SYT1: variants seen among roughly 807,000 people sequenced by gnomAD.
SYT1 encodes synaptotagmin 1, also known as synaptotagmin-1.
A neutral mutation model predicts 44.8 loss-of-function variants in SYT1; 8 were observed. That is an observed-to-expected ratio of 0.18 (90% confidence interval 0.10 to 0.32). SYT1 has a LOEUF of 0.32. SYT1 is among the 10% of genes least tolerant of loss of function. The probability of loss-of-function intolerance (pLI) is 1.00; values close to 1 mark genes in which losing one functional copy is unlikely to be tolerated. For missense variants in SYT1, 286 were observed against 509.3 expected, an observed-to-expected ratio of 0.56 and a Z score of 4.22; for synonymous variants, 154 against 188.8, an observed-to-expected ratio of 0.82 and a Z score of 1.51.
intron 8 of SYT1, among the ~76,000 whole-genome samples, chr12:79,308,506 G>A (rs1024915964): frequency 1.0e-4 from 14 of 139,106 alleles, no homozygotes; most frequent in East Asian, 6.4e-4. Context: ...GCGAAACTCC[G>A]TCAAAAGAAA....
intron 9 of SYT1, among the ~76,000 whole-genome samples, chr12:79,384,510 C>G (rs893358246): frequency 6.6e-6 from 1 of 152,098 alleles, no homozygotes; most frequent in Admixed American, 6.5e-5. Context: ...TAATACTCAG[C>G]TTAACACTAG....
chr12:79,128,544 G>T (rs1868590773), intron 3 of SYT1, among the ~76,000 whole-genome samples: 1 of 152,188 alleles, frequency 6.6e-6, no homozygotes, highest in African/African-American at 2.4e-5. Flanking sequence ...TTCAGGCATG[G>T]TGCACTCAAG....
intron 2 of SYT1, among the ~76,000 whole-genome samples, chr12:79,018,447 C>T (rs954334114): frequency 6.6e-6 from 1 of 151,950 alleles, no homozygotes; most frequent in African/African-American, 2.4e-5. Context: ...ACATATGTAA[C>T]AAACCTGCAC....
chr12:79,126,960 GA>G (rs1186601056), intron 3 of SYT1, among the ~76,000 whole-genome samples: 12 of 152,206 alleles, frequency 7.9e-5, no homozygotes, highest in African/African-American at 2.9e-4. Flanking sequence ...TGACATTGGT[GA>G]GAGACTCCTA....
chr12:78,992,707 G>T (rs1021012087), intron 2 of SYT1, among the ~76,000 whole-genome samples: 1 of 152,154 alleles, frequency 6.6e-6, no homozygotes, highest in Non-Finnish European at 1.5e-5. Flanking sequence ...CTGGCATTCA[G>T]CACCACTAGA....
chr12:79,429,705 A>G (rs1869666512), intron 9 of SYT1, among the ~76,000 whole-genome samples: 1 of 151,710 alleles, frequency 6.6e-6, no homozygotes, highest in South Asian at 2.1e-4. Flanking sequence ...ATTTTTTTGT[A>G]CTTTTAGTAG....
intron 1 of SYT1, among the ~76,000 whole-genome samples, chr12:78,941,784 G>T (rs564219208): frequency 6.6e-6 from 1 of 152,168 alleles, no homozygotes; most frequent in South Asian, 2.1e-4. Flanking sequence ...ATAGACACCT[G>T]GTCAGTTCAC....
chr12:79,328,020 G>C lies in SYT1; in HGVS notation c.811-25482G>C, dbSNP rs561142329. Reference sequence around the variant, plus strand: ...TTAACATTTTAAGTCTCACATTTGGGAGGCAGGGAGGATATTAAAGCTGTC... The same window carrying C: ...TTAACATTTTAAGTCTCACATTTGGCAGGCAGGGAGGATATTAAAGCTGTC... On this transcript the variant is annotated intron_variant, in intron 8 of 10. Coordinates refer to ENST00000261205, the MANE Select transcript of SYT1 (RefSeq NM_005639.3). 3.3e-5 allele frequency among the ~76,000 whole-genome samples: 5 copies of C among 152,270 alleles called. No homozygotes were observed. In the South Asian group the frequency reaches 1.0e-3, roughly 32 times the overall value.
chr12:79,253,295 T>G (rs1877325757), intron 4 of SYT1, among the ~76,000 whole-genome samples: 1 of 152,150 alleles, frequency 6.6e-6, no homozygotes, highest in African/African-American at 2.4e-5. Flanking sequence ...ATCTCTCTCA[T>G]GTCACATTTT....
intron 8 of SYT1, among the ~76,000 whole-genome samples, chr12:79,309,730 C>T (rs1880671922): frequency 6.6e-6 from 1 of 152,200 alleles, no homozygotes; most frequent in Admixed American, 6.5e-5. Flanking sequence ...AATTATAAAG[C>T]TAGTTAAATC....
At chr12:79,207,282 C>T (rs1684697889) in intron 3 of SYT1, among the ~76,000 whole-genome samples, 1 of 152,214 alleles carries the variant, frequency 6.6e-6, no homozygotes, top group Non-Finnish European at 1.5e-5. Flanking sequence ...GGATTTCATA[C>T]TTTGAGTACA....
chr12:78,878,973 A>G (rs986315764), intron 1 of SYT1, among the ~76,000 whole-genome samples: 1 of 151,702 alleles, frequency 6.6e-6, no homozygotes, highest in Non-Finnish European at 1.5e-5. Context: ...TCTTACCAGC[A>G]ATTATCTACT....
intron 3 of SYT1, among the ~76,000 whole-genome samples, chr12:79,078,294 A>G (rs2137936597): frequency 6.6e-6 from 1 of 152,184 alleles, no homozygotes; most frequent in East Asian, 1.9e-4. Flanking sequence ...CACCCTCTTC[A>G]GCCCCCAAAT....
chr12:79,397,840 A>G (rs906976146), intron 9 of SYT1, among the ~76,000 whole-genome samples: 2 of 152,208 alleles, frequency 1.3e-5, no homozygotes, highest in African/African-American at 4.8e-5. Flanking sequence ...CCTAATCCAA[A>G]CAGCTTTTCA....
intron 9 of SYT1, among the ~76,000 whole-genome samples, chr12:79,397,464 G>A (rs564059469): frequency 7.9e-5 from 12 of 152,220 alleles, no homozygotes; most frequent in African/African-American, 1.4e-4. Context: ...CCCGGCTCAC[G>A]TGATCCTTCC....
chr12:78,906,863 C>T (rs1461831717), intron 1 of SYT1, among the ~76,000 whole-genome samples: 2 of 152,176 alleles, frequency 1.3e-5, no homozygotes, highest in East Asian at 3.9e-4. Flanking sequence ...ATTTTAGTGC[C>T]TACTGTGTCA....
At chr12:79,250,427 T>C (rs1367346156) in intron 4 of SYT1, among the ~76,000 whole-genome samples, 1 of 152,246 alleles carries the variant, frequency 6.6e-6, no homozygotes, top group South Asian at 2.1e-4. Context: ...CCCTCAGATA[T>C]GTCAATTTCC....
intron 1 of SYT1, among the ~76,000 whole-genome samples, chr12:78,962,561 G>A (rs1374248025): frequency 6.6e-6 from 1 of 151,632 alleles, no homozygotes; most frequent in Admixed American, 6.6e-5. Context: ...TATGTGAGGT[G>A]TGTGCATTTC....
intron 1 of SYT1, among the ~76,000 whole-genome samples, chr12:78,885,330 G>GGGAAGGAAGAAA (rs1263228307): frequency 0.012 from 195 of 16,890 alleles, no homozygotes; most frequent in East Asian, 0.049. Flanking sequence ...GAAGGAAGGA[G>GGGAAGGAAGAAA]GGAAGGAAGA....
Sources: allele counts gnomAD v4.1 joint callset (sites outside exome capture counted in the v4.1 genomes callset), GRCh38; gene constraint gnomAD v4.1.1; transcripts MANE v1.5; gene names NCBI Gene and HGNC (gene_info 2026-07-23, HGNC 2026-07-21).